GRXCR2: variants seen among roughly 807,000 people sequenced by gnomAD.
GRXCR2 encodes glutaredoxin and cysteine rich domain containing 2.
Under a neutral mutation model 24.8 loss-of-function variants are expected in GRXCR2, and 23 were observed. The ratio of observed to expected loss-of-function variants is 0.93; its 90% confidence interval spans 0.67 to 1.32. The LOEUF is 1.32. GRXCR2 is among the 40% of genes most tolerant of loss of function. GRXCR2 has a pLI of 0.00. For missense variants in GRXCR2, 315 were observed against 303.4 expected (o/e 1.04, Z -0.28); for synonymous variants, 130 against 116.1 (o/e 1.12, Z -0.77).
At chr5:145,891,856 C>T (rs879881829) in intron 2 of GRXCR2, among the ~76,000 whole-genome samples, 7 of 152,152 alleles carry the variant, frequency 4.6e-5, no homozygotes, top group Non-Finnish European at 7.3e-5. Flanking sequence ...CCCTGACCCC[C>T]GAGCAGCCTA....
At chr5:145,864,968 T>C (rs1011064387) in intron 2 of GRXCR2, among the ~76,000 whole-genome samples, 6 of 151,292 alleles carry the variant, frequency 4.0e-5, no homozygotes, top group African/African-American at 1.5e-4. Flanking sequence ...GAAGGAGAGG[T>C]AGAAAGGAAG....
intron 2 of GRXCR2, among the ~76,000 whole-genome samples, chr5:145,878,043 C>A (rs535507456): frequency 6.6e-6 from 1 of 152,204 alleles, no homozygotes; most frequent in Non-Finnish European, 1.5e-5. Context: ...ATCTGTAGGT[C>A]ACGAACATCA....
intron 2 of GRXCR2, among the ~76,000 whole-genome samples, chr5:145,913,567 A>G (rs746945670): frequency 6.6e-6 from 1 of 152,194 alleles, no homozygotes; most frequent in Non-Finnish European, 1.5e-5. Context: ...TTTATGAAAA[A>G]CTTAATACAT....
chr5:145,889,242 AAG>A (rs1756827972), intron 2 of GRXCR2, among the ~76,000 whole-genome samples: 1 of 150,712 alleles, frequency 6.6e-6, no homozygotes, highest in South Asian at 2.1e-4. Flanking sequence ...GAAAGAAAGA[AAG>A]AATTATGCAA....
At chr5:145,896,223 C>G (rs1190340188) in intron 2 of GRXCR2, among the ~76,000 whole-genome samples, 13 of 152,142 alleles carry the variant, frequency 8.5e-5, no homozygotes, top group Admixed American at 6.5e-5. Flanking sequence ...TAGGCATGGG[C>G]AAGGACTTCA....
intron 2 of GRXCR2, among the ~76,000 whole-genome samples, chr5:145,896,643 G>A (rs1756954432): frequency 6.6e-6 from 1 of 152,176 alleles, no homozygotes. Context: ...AACAGGTGCT[G>A]GAGAGGATGT....
chr5:145,914,191 T>C (rs1561690101), intron 2 of GRXCR2, among the ~76,000 whole-genome samples: 1 of 152,214 alleles, frequency 6.6e-6, no homozygotes, highest in East Asian at 1.9e-4. Context: ...TCCAGTATAA[T>C]TTAGTCAGAG....
At chr5:145,882,857 T>A (rs1756722609) in intron 2 of GRXCR2, among the ~76,000 whole-genome samples, 1 of 151,550 alleles carries the variant, frequency 6.6e-6, no homozygotes, top group Non-Finnish European at 1.5e-5. Context: ...AAGGGATGAG[T>A]CCATGTCCTT....
chr5:145,877,799 G>A (rs1413134759), upstream of GRXCR2, among the ~76,000 whole-genome samples: 1 of 152,236 alleles, frequency 6.6e-6, no homozygotes, highest in Non-Finnish European at 1.5e-5. Context: ...ATAGGTGGGT[G>A]CCCCTCTGGG....
intron 1 of GRXCR2, among the ~76,000 whole-genome samples, chr5:145,867,749 G>A (rs115109816): frequency 6.5e-4 from 99 of 152,288 alleles, no homozygotes; most frequent in East Asian, 4.8e-3. Flanking sequence ...TGTGACATAC[G>A]GGAAAGTCAT....
intron 2 of GRXCR2, among the ~76,000 whole-genome samples, chr5:145,929,691 A>G (rs1232688948): frequency 1.3e-5 from 2 of 152,212 alleles, no homozygotes; most frequent in Non-Finnish European, 2.9e-5. Context: ...TTACTTTCCT[A>G]CTTTCTCCTC....
At chr5:145,887,671 A>C (rs538854842) in intron 2 of GRXCR2, among the ~76,000 whole-genome samples, 1 of 152,188 alleles carries the variant, frequency 6.6e-6, no homozygotes, top group African/African-American at 2.4e-5. Flanking sequence ...TTATTTTATT[A>C]GTGGGAGTGG....
At chr5:145,875,606 C>A (rs1344532133), upstream of GRXCR2, among the ~76,000 whole-genome samples, 1 of 151,790 alleles carries the variant, frequency 6.6e-6, no homozygotes, top group Admixed American at 6.6e-5. Flanking sequence ...TTTTAATCTA[C>A]CTTTCTACTA....
At chr5:145,902,169 C>G (rs982237666) in intron 2 of GRXCR2, among the ~76,000 whole-genome samples, 6 of 152,064 alleles carry the variant, frequency 3.9e-5, no homozygotes, top group African/African-American at 1.4e-4. Flanking sequence ...GATTATAGCT[C>G]TCTGCAGCCT....
chr5:145,918,778 ATT>A (rs1172650141), intron 2 of GRXCR2, among the ~76,000 whole-genome samples: 1 of 152,018 alleles, frequency 6.6e-6, no homozygotes, highest in East Asian at 1.9e-4. Flanking sequence ...CTCCATTAAT[ATT>A]TACTGCCCAT....
chr5:145,923,882 A>G (rs1175839288), intron 2 of GRXCR2, among the ~76,000 whole-genome samples: 1 of 152,164 alleles, frequency 6.6e-6, no homozygotes, highest in Non-Finnish European at 1.5e-5. Flanking sequence ...TTTATTCTCC[A>G]TTACAAACAA....
chr5:145,883,479 G>T (rs1756733327), intron 2 of GRXCR2, among the ~76,000 whole-genome samples: 1 of 152,132 alleles, frequency 6.6e-6, no homozygotes, highest in South Asian at 2.1e-4. Context: ...TATTGTAAAA[G>T]ATATATTTTG....
intron 2 of GRXCR2, among the ~76,000 whole-genome samples, chr5:145,897,931 A>T (rs933781191): frequency 6.6e-6 from 1 of 152,076 alleles, no homozygotes; most frequent in Admixed American, 6.6e-5. Context: ...GATAAAACTA[A>T]CCCCAAAGGT....
intron 2 of GRXCR2, among the ~76,000 whole-genome samples, chr5:145,862,500 C>G (rs1296830790): frequency 6.6e-6 from 1 of 152,292 alleles, no homozygotes; most frequent in South Asian, 2.1e-4. Flanking sequence ...CTATAAGCCT[C>G]TTTCTTCCTT....
Sources: gnomAD v4.1 joint callset for allele counts (sites outside exome capture counted in the v4.1 genomes callset) on GRCh38, gnomAD v4.1.1 for gene constraint, MANE v1.5 for transcripts, NCBI Gene and HGNC (gene_info 2026-07-23, HGNC 2026-07-21) for gene names.